The following NELL1 variants were observed in gnomAD, a reference collection of about 807,000 sequenced individuals.
NELL1 encodes the protein neural EGFL like 1, also known as protein kinase C-binding protein NELL1.
A neutral mutation model predicts 107.4 loss-of-function variants in NELL1; 76 were observed. The observed-to-expected ratio is 0.71, with a 90% CI of 0.59 to 0.86. The LOEUF is 0.86. NELL1 is among the 40% of genes least tolerant of loss of function. The pLI is 0.00. For synonymous variants in NELL1, 353 were observed against 341.2 expected, an observed-to-expected ratio of 1.03 and a Z score of -0.38; for missense variants, 1,024 against 1,005.5, an observed-to-expected ratio of 1.02 and a Z score of -0.25.
intron 15 of NELL1, among the ~76,000 whole-genome samples, chr11:21,413,448 A>G (rs1327177488): frequency 1.3e-5 from 2 of 152,088 alleles, no homozygotes; most frequent in Non-Finnish European, 2.9e-5. Context: ...TTTTGAAAAA[A>G]AAGTGTGGCT....
chr11:21,082,665 A>G (rs1854296901), intron 12 of NELL1, among the ~76,000 whole-genome samples: 2 of 151,988 alleles, frequency 1.3e-5, no homozygotes, highest in South Asian at 2.1e-4. Flanking sequence ...TTCCTATGCT[A>G]TTTTTTCTCA....
chr11:20,702,326 A>T (rs1337607701), intron 2 of NELL1, among the ~76,000 whole-genome samples: 6 of 152,294 alleles, frequency 3.9e-5, no homozygotes, highest in African/African-American at 1.2e-4. Flanking sequence ...TTATTGGTGT[A>T]TAAGAATGCT....
rs541238806 is a variant in NELL1, at chr11:21,416,525, T to G, written c.1645+45577T>G. On this transcript the variant is annotated intron_variant, in intron 15 of 19. Coordinates refer to ENST00000357134, the MANE Select transcript of NELL1 (RefSeq NM_006157.5). ...GGTTGCAAATATCTTTTCCAAATTC[T>G]ATAAAACAAGACTAGAATTCTTTGA... 7.9e-5 allele frequency among the ~76,000 whole-genome samples: 12 copies of G among 152,282 alleles called. No homozygotes were observed. In the East Asian group the frequency reaches 2.1e-3, roughly 27 times the overall value.
intron 14 of NELL1, among the ~76,000 whole-genome samples, chr11:21,337,090 G>T (rs1850419387): frequency 1.3e-5 from 2 of 152,072 alleles, no homozygotes; most frequent in African/African-American, 4.8e-5. Flanking sequence ...TAGGCAGCTA[G>T]TTAGGCTTTT....
chr11:20,942,357 G>C (rs943492929), intron 10 of NELL1, among the ~76,000 whole-genome samples: 1 of 152,176 alleles, frequency 6.6e-6, no homozygotes, highest in Non-Finnish European at 1.5e-5. Context: ...TGGTCTCTCT[G>C]CATCAGTGGG....
At chr11:20,798,396 A>G (rs530304018) in intron 3 of NELL1, among the ~76,000 whole-genome samples, 2 of 152,346 alleles carry the variant, frequency 1.3e-5, no homozygotes, top group African/African-American at 4.8e-5. Flanking sequence ...TTGAGAAATG[A>G]AAAAACAGCT....
At chr11:21,028,067 G>A (rs1852861466) in intron 12 of NELL1, among the ~76,000 whole-genome samples, 1 of 152,102 alleles carries the variant, frequency 6.6e-6, no homozygotes, top group East Asian at 1.9e-4. Flanking sequence ...GCTGAAGAAC[G>A]AGCTGAAAAT....
At chr11:21,049,690 T>G (rs1853444549) in intron 12 of NELL1, among the ~76,000 whole-genome samples, 1 of 152,078 alleles carries the variant, frequency 6.6e-6, no homozygotes, top group Admixed American at 6.6e-5. Context: ...ACTTTTTTTT[T>G]TTTTTGAGAT....
In NELL1 at chr11:20,705,362, A is replaced by C. The variant is rs966316264; in HGVS notation, c.184+27302A>C. On this transcript the variant is annotated intron_variant, in intron 2 of 19. Transcript: ENST00000357134. ...ACAGAGCCCTCAGAAATAATGCCGC[A>C]TATCTACAACCATCTGATCTTTGAC... Among the ~76,000 whole-genome samples the C allele has an allele frequency of 3.9e-5, 6 of 152,244 alleles. No individual in the cohort carries two copies. In the East Asian group the frequency reaches 1.2e-3, roughly 29 times the overall value.
intron 2 of NELL1, among the ~76,000 whole-genome samples, chr11:20,710,208 A>G (rs549570422): frequency 1.1e-3 from 169 of 152,184 alleles, no homozygotes; most frequent in African/African-American, 3.8e-3. Context: ...GGCTTTTATT[A>G]CCTTGAGGTA....
intron 12 of NELL1, among the ~76,000 whole-genome samples, chr11:21,072,945 G>T (rs966385295): frequency 6.6e-6 from 1 of 152,034 alleles, no homozygotes; most frequent in South Asian, 2.1e-4. Flanking sequence ...CACACAACAC[G>T]CAGAAATGTG....
intron 13 of NELL1, among the ~76,000 whole-genome samples, chr11:21,209,527 A>G (rs1405315812): frequency 6.6e-6 from 1 of 151,852 alleles, no homozygotes; most frequent in Non-Finnish European, 1.5e-5. Context: ...CCCCTTCTTA[A>G]CATATGGACA....
intron 13 of NELL1, among the ~76,000 whole-genome samples, chr11:21,206,658 G>A (rs902652819): frequency 1.3e-5 from 2 of 152,090 alleles, no homozygotes; most frequent in African/African-American, 4.8e-5. Context: ...TCTGGACAGG[G>A]AGCCACAACC....
At chr11:20,761,972 C>T (rs557139896) in intron 2 of NELL1, among the ~76,000 whole-genome samples, 2 of 152,302 alleles carry the variant, frequency 1.3e-5, no homozygotes, top group South Asian at 2.1e-4. Flanking sequence ...GGAAACTTCT[C>T]GGGAGAGAAC....
chr11:21,016,455 C>T (rs745552397), intron 12 of NELL1, among the ~76,000 whole-genome samples: 1 of 152,082 alleles, frequency 6.6e-6, no homozygotes, highest in African/African-American at 2.4e-5. Context: ...GTTCCACCAC[C>T]TTTCTAGTCT....
At position 20,998,825 on chromosome 11, in the gene NELL1, A is replaced by G. The variant is rs192787724; in HGVS notation, c.1300+38265A>G. Reference sequence around the variant, plus strand: ...TTCAATCTATATAATGCCAGGGATGATGAAAATTGCATGTCCTCTTACATT... The same window carrying G: ...TTCAATCTATATAATGCCAGGGATGGTGAAAATTGCATGTCCTCTTACATT... On this transcript the variant is annotated intron_variant, in intron 12 of 19. Coordinates refer to ENST00000357134, the MANE Select transcript of NELL1 (RefSeq NM_006157.5). Among the ~76,000 whole-genome samples, 689 of 152,300 alleles carry G rather than the reference A, an allele frequency of 4.5e-3. 6 individuals are homozygous for G. Among genetic ancestry groups the G allele is most frequent in the Non-Finnish European group, 7.1e-3 (480 of 68,028 alleles).
intron 13 of NELL1, among the ~76,000 whole-genome samples, chr11:21,114,844 C>T (rs186876460): frequency 2.4e-3 from 370 of 152,002 alleles, no homozygotes; most frequent in African/African-American, 8.4e-3. Context: ...AAAACTTTTT[C>T]GGACCAATAA....
chr11:21,201,147 G>GT (rs1278460644), intron 13 of NELL1, among the ~76,000 whole-genome samples: 1 of 152,106 alleles, frequency 6.6e-6, no homozygotes, highest in East Asian at 1.9e-4. Flanking sequence ...ATTTAAAGTA[G>GT]TTTTTTCTAA....
intron 2 of NELL1, among the ~76,000 whole-genome samples, chr11:20,702,586 C>T (rs1854823150): frequency 6.6e-6 from 1 of 152,020 alleles, no homozygotes; most frequent in African/African-American, 2.4e-5. Flanking sequence ...CTCTCTTGTG[C>T]CAGTTTTCAA....
Sources: allele counts gnomAD v4.1 joint callset (sites outside exome capture counted in the v4.1 genomes callset), GRCh38; gene constraint gnomAD v4.1.1; transcripts MANE v1.5; gene names NCBI Gene and HGNC (gene_info 2026-07-23, HGNC 2026-07-21).